The following ADAMTS18 variants were observed in gnomAD, a reference collection of about 807,000 sequenced individuals.
The protein encoded by ADAMTS18 is ADAM metallopeptidase with thrombospondin type 1 motif 18.
A neutral mutation model predicts 165.9 loss-of-function variants in ADAMTS18; 157 were observed. The ratio of observed to expected loss-of-function variants is 0.95; its 90% CI spans 0.83 to 1.08. ADAMTS18 has a LOEUF of 1.08. Ranked by LOEUF, ADAMTS18 falls within the 50% of genes least tolerant of loss-of-function variation. ADAMTS18 has a pLI of 0.00. For missense variants in ADAMTS18, 2,040 were observed against 1,534.0 expected, an observed-to-expected ratio of 1.33 and a Z score of -5.51; for synonymous variants, 782 against 578.2, an observed-to-expected ratio of 1.35 and a Z score of -5.06.
At chr16:77,386,269 C>A (rs1361119147) in intron 3 of ADAMTS18, among the ~76,000 whole-genome samples, 1 of 152,112 alleles carries the variant, frequency 6.6e-6, no homozygotes, top group Non-Finnish European at 1.5e-5. Context: ...TGGCTGACCA[C>A]CAGGCTTAAA....
At chr16:77,366,596 AAAAG>A (rs1267859643) in intron 4 of ADAMTS18, among the ~76,000 whole-genome samples, 1 of 152,178 alleles carries the variant, frequency 6.6e-6, no homozygotes, top group East Asian at 1.9e-4. Flanking sequence ...AAAACAAGCA[AAAAG>A]AAAATGTTTT....
At chr16:77,368,446 T>C (rs1327949397) in intron 3 of ADAMTS18, among the ~76,000 whole-genome samples, 1 of 151,506 alleles carries the variant, frequency 6.6e-6, no homozygotes, top group Non-Finnish European at 1.5e-5. Context: ...TCTTTTTTTT[T>C]TTTTTTTTGA....
chr16:77,369,387 T>A (rs2056844642), intron 3 of ADAMTS18, among the ~76,000 whole-genome samples: 1 of 152,232 alleles, frequency 6.6e-6, no homozygotes, highest in Non-Finnish European at 1.5e-5. Flanking sequence ...ATTTTGGGTT[T>A]AGTTTGTTGT....
chr16:77,311,951 T>C (rs1052816068), intron 16 of ADAMTS18, among the ~76,000 whole-genome samples: 3 of 152,206 alleles, frequency 2.0e-5, no homozygotes, highest in African/African-American at 7.2e-5. Context: ...GACAATTTTG[T>C]ATTACTGGAG....
At chr16:77,369,747 G>A (rs2056849792) in intron 3 of ADAMTS18, among the ~76,000 whole-genome samples, 2 of 152,064 alleles carry the variant, frequency 1.3e-5, no homozygotes, top group Admixed American at 1.3e-4. Context: ...CATTCTACAT[G>A]GCCTGCATCA....
intron 16 of ADAMTS18, among the ~76,000 whole-genome samples, chr16:77,312,835 C>T (rs894856620): frequency 2.6e-5 from 4 of 152,096 alleles, no homozygotes; most frequent in African/African-American, 7.2e-5. Flanking sequence ...AACACTTTTA[C>T]ACCGTTGGTG....
intron 11 of ADAMTS18, among the ~76,000 whole-genome samples, chr16:77,339,838 C>A (rs2056371989): frequency 2.0e-5 from 3 of 151,018 alleles, no homozygotes; most frequent in Admixed American, 2.0e-4. Flanking sequence ...TGTTCATTTT[C>A]TTTAAAACAA....
At chr16:77,304,969 G>A (rs937431655) in intron 16 of ADAMTS18, among the ~76,000 whole-genome samples, 1 of 152,148 alleles carries the variant, frequency 6.6e-6, no homozygotes, top group Admixed American at 6.5e-5. Flanking sequence ...TGTATGTGTA[G>A]CTATAAATTC....
In ADAMTS18 at chr16:77,322,411, T is replaced by A. The variant is rs751500781; in HGVS notation, c.2088A>T (p.Ala696=). The A allele has an allele frequency of 6.2e-7, 1 of 1,613,756 alleles. No homozygotes were observed. Among genetic ancestry groups the A allele is most frequent in the Non-Finnish European group, 8.5e-7 (1 of 1,179,954 alleles). The part of the protein sequence containing the change: ...CKAENFEFFF[A]MSGKVKDGTP... ...TTCCATCTTTCACTTTGCCGGACATTGCAAAAAAAAATTCAAAGTTCTCAG... is the reference window on the plus strand; with the variant it reads ...TTCCATCTTTCACTTTGCCGGACATAGCAAAAAAAAATTCAAAGTTCTCAG... Residue 696 remains alanine, a synonymous_variant, in exon 14 of 23, where the codon GCA becomes GCT. Transcript: ENST00000282849.
intron 3 of ADAMTS18, among the ~76,000 whole-genome samples, chr16:77,404,790 C>G (rs1034704769): frequency 2.6e-5 from 4 of 152,132 alleles, no homozygotes; most frequent in African/African-American, 9.7e-5. Flanking sequence ...TGAGAATAAT[C>G]ACTCTCTATC....
At chr16:77,317,678 T>A (rs2055912261) in intron 16 of ADAMTS18, among the ~76,000 whole-genome samples, 1 of 152,146 alleles carries the variant, frequency 6.6e-6, no homozygotes. Flanking sequence ...CAAGATGTCA[T>A]CTAATTTCAC....
At chr16:77,340,699 A>G (rs1719898975) in intron 11 of ADAMTS18, among the ~76,000 whole-genome samples, 2 of 150,528 alleles carry the variant, frequency 1.3e-5, no homozygotes, top group Non-Finnish European at 3.0e-5. Flanking sequence ...TCCTCCTTCA[A>G]CCTCCCAAAG....
intron 3 of ADAMTS18, among the ~76,000 whole-genome samples, chr16:77,376,862 T>C (rs967759878): frequency 1.3e-4 from 18 of 143,500 alleles, no homozygotes; most frequent in African/African-American, 4.4e-4. Context: ...ACACCCAGGC[T>C]GGAGTGCAGT....
At chr16:77,386,666 T>C (rs1445971831) in intron 3 of ADAMTS18, among the ~76,000 whole-genome samples, 1 of 152,184 alleles carries the variant, frequency 6.6e-6, no homozygotes, top group Admixed American at 6.6e-5. Context: ...AACCTTATAG[T>C]TGATGCATTT....
chr16:77,387,742 T>C (rs2057129436), intron 3 of ADAMTS18, among the ~76,000 whole-genome samples: 1 of 152,190 alleles, frequency 6.6e-6, no homozygotes, highest in Non-Finnish European at 1.5e-5. Context: ...TCTCCAACCA[T>C]AGCTAAGATA....
chr16:77,428,089 C>T (rs1219912465), intron 3 of ADAMTS18, among the ~76,000 whole-genome samples: 1 of 152,172 alleles, frequency 6.6e-6, no homozygotes. Flanking sequence ...AAAATTGCTA[C>T]CACATCCAAA....
intron 12 of ADAMTS18, among the ~76,000 whole-genome samples, chr16:77,334,812 C>CAGTATATATACTATATACTAT (rs2056277013): frequency 8.6e-6 from 1 of 115,852 alleles, no homozygotes; most frequent in African/African-American, 3.4e-5. Flanking sequence ...CTATAGTATA[C>CAGTATATATACTATATACTAT]AGTATATATA....
intron 20 of ADAMTS18, 89 bp downstream of exon 20, chr16:77,292,986 AT>A (rs759934608): frequency 6.4e-7 from 1 of 1,557,168 alleles, no homozygotes. Context: ...TGCCTGGCTA[AT>A]TTTTTGTATT....
At chr16:77,431,911 T>G (rs1209768616) in intron 2 of ADAMTS18, among the ~76,000 whole-genome samples, 1 of 152,202 alleles carries the variant, frequency 6.6e-6, no homozygotes, top group Non-Finnish European at 1.5e-5. Flanking sequence ...AGAACATTCT[T>G]TTGATGTTTA....
Sources: allele counts gnomAD v4.1 joint callset (sites outside exome capture counted in the v4.1 genomes callset), GRCh38; gene constraint gnomAD v4.1.1; transcripts MANE v1.5; gene names NCBI Gene and HGNC (gene_info 2026-07-23, HGNC 2026-07-21).